GARNL3: variants seen among roughly 807,000 people sequenced by gnomAD.
GARNL3 encodes the protein GTPase-activating Rap/Ran-GAP domain-like protein 3.
GARNL3 carries 63 observed loss-of-function variants against 125.0 expected under a neutral mutation model. That is an observed-to-expected ratio of 0.50 (90% CI 0.41 to 0.62). The LOEUF is 0.62. Ranked by LOEUF, GARNL3 falls within the 20% of genes least tolerant of loss-of-function variation. The pLI is 0.00. For synonymous variants in GARNL3, 439 were observed against 457.5 expected (o/e 0.96, Z 0.52); for missense variants, 994 against 1,244.0 (o/e 0.80, Z 3.02).
At chr9:127,278,168 T>C (rs34408555) in intron 1 of GARNL3, among the ~76,000 whole-genome samples, 40 of 152,236 alleles carry the variant, frequency 2.6e-4, no homozygotes, top group Non-Finnish European at 5.1e-4. Context: ...AAATTTGAAA[T>C]ATACTGAAAA....
At position 127,333,083 on chromosome 9, in the gene GARNL3, A is replaced by G. The variant is rs1235887036; in HGVS notation, c.731A>G (p.Lys244Arg). The part of the protein sequence containing the change: ...LNLLGDTITL[K>R]GWTGYRGGLD... ...CTTCTGGGTGACACAATCACTCTAA[A>G]GGGCTGGACGGGCTACCGTGGCGGT... The change falls in exon 9 of 28, where the codon AAG (lysine) becomes AGG (arginine). Residue 244 changes from lysine to arginine, a missense_variant. This residue lies in a region of GARNL3 where 71 missense variants were observed against 66.2 expected (regional missense o/e 1.07). Coordinates refer to ENST00000373387, the MANE Select transcript of GARNL3 (RefSeq NM_032293.5). 3 of 1,614,006 alleles carry G rather than the reference A, an allele frequency of 1.9e-6. No individual in the cohort carries two copies. The African/African-American group carries it at 4.0e-5, about 22-fold the overall frequency.
At chr9:127,371,879 C>T (rs1265085113) in intron 22 of GARNL3, among the ~76,000 whole-genome samples, 5 of 152,152 alleles carry the variant, frequency 3.3e-5, no homozygotes, top group Non-Finnish European at 4.4e-5. Context: ...AGTTCAATAG[C>T]AAAATAAGAG....
intron 22 of GARNL3, among the ~76,000 whole-genome samples, chr9:127,365,700 T>C (rs1831251042): frequency 6.6e-6 from 1 of 152,142 alleles, no homozygotes. Context: ...TCACAATGAA[T>C]GCCCGCAGCA....
chr9:127,230,978 GTA>G (rs2062990249), intron 1 of GARNL3, among the ~76,000 whole-genome samples: 2 of 132,392 alleles, frequency 1.5e-5, no homozygotes, highest in African/African-American at 3.2e-5. Flanking sequence ...GTGTGTGTGT[GTA>G]TACACATATA....
rs764809956 is a variant in GARNL3 at position 127,383,527 on chromosome 9, C to G, written c.2251C>G (p.Gln751Glu). ...GTCAGATTTCCAGTTCTGTTGGAAC[C>G]AGGCTCCCTATGCAATTGGTAAGAA... ...SASDFQFCWN[Q>E]APYAIVCAFP... Residue 751 changes from glutamine (Q) to glutamate (E), a missense_variant, in exon 23 of 28, where the codon CAG (glutamine) becomes GAG (glutamate). Around this residue, in one of 5 missense-constraint regions of GARNL3, gnomAD observed 728 missense variants for 865.7 expected, o/e 0.84. Coordinates refer to ENST00000373387, the MANE Select transcript of GARNL3 (RefSeq NM_032293.5). The G allele has an allele frequency of 6.2e-7, 1 of 1,612,140 alleles. No homozygotes were observed. Among genetic ancestry groups the G allele is most frequent in the East Asian group, 2.2e-5 (1 of 44,860 alleles).
At chr9:127,335,944 G>A (rs2131586413) in intron 10 of GARNL3, among the ~76,000 whole-genome samples, 184 bp from the exon 11 acceptor site, 1 of 152,320 alleles carries the variant, frequency 6.6e-6, no homozygotes, top group East Asian at 1.9e-4. Context: ...AGGAGCAGAG[G>A]AGATGGGTTG....
At chr9:127,327,264 G>A (rs932620309) in intron 7 of GARNL3, among the ~76,000 whole-genome samples, 1 of 152,184 alleles carries the variant, frequency 6.6e-6, no homozygotes, top group Non-Finnish European at 1.5e-5. Context: ...TTACAGTCTG[G>A]TGGGGTAAGA....
chr9:127,349,063 TC>T (rs1564166240), intron 17 of GARNL3, 28 bp downstream of exon 17: 7 of 1,479,908 alleles, frequency 4.7e-6, no homozygotes, highest in Non-Finnish European at 6.6e-6. Context: ...CCTACAAATG[TC>T]TTTTTCATGT....
intron 2 of GARNL3, among the ~76,000 whole-genome samples, chr9:127,307,402 TC>T (rs1564903056): frequency 6.6e-6 from 1 of 152,180 alleles, no homozygotes; most frequent in Non-Finnish European, 1.5e-5. Context: ...GTCTGTGCCA[TC>T]CACGCATCTC....
chr9:127,339,820 A>G (rs1258350454), intron 13 of GARNL3, 69 bp downstream of exon 13: 2 of 960,548 alleles, frequency 2.1e-6, no homozygotes, highest in African/African-American at 1.6e-5. Flanking sequence ...AGATTCTCCC[A>G]GAATGCTGTT....
chr9:127,272,628 C>T (rs560492168), intron 1 of GARNL3, among the ~76,000 whole-genome samples: 1 of 152,122 alleles, frequency 6.6e-6, no homozygotes, highest in African/African-American at 2.4e-5. Flanking sequence ...TACAGGTGCA[C>T]ACCATCACGC....
At position 127,345,454 on chromosome 9, in the gene GARNL3, G is replaced by A; in HGVS notation, c.1408G>A (p.Ala470Thr). ...AGGGGATGCTCCATCAAGCTTGGCAGCTTCAGGGATCTGTAAAAAAGAGGT... is the reference window on the plus strand; with the variant it reads ...AGGGGATGCTCCATCAAGCTTGGCAACTTCAGGGATCTGTAAAAAAGAGGT... ...VRGDAPSSLA[A>T]SGICKKEPWE... is the part of the protein sequence containing the mutation. Residue 470 changes from alanine (A) to threonine (T), a missense_variant, in exon 16 of 28, where the codon GCT becomes ACT. Ala to Thr is a moderately conservative substitution (Grantham distance 58). This residue lies in a region of GARNL3 where 728 missense variants were observed against 865.7 expected (regional missense o/e 0.84). Transcript: ENST00000373387. 1 of 1,607,452 alleles carries A rather than the reference G, an allele frequency of 6.2e-7. No individual in the cohort carries two copies. The highest frequency in any genetic ancestry group is 2.2e-5 in the East Asian group (1 of 44,648).
chr9:127,255,817 C>T (rs2063486040), intron 2 of GARNL3, among the ~76,000 whole-genome samples: 1 of 152,130 alleles, frequency 6.6e-6, no homozygotes, highest in Non-Finnish European at 1.5e-5. Context: ...CTCACCAGCT[C>T]ATATCAAAAG....
chr9:127,275,550 T>C (rs1273393612), intron 1 of GARNL3, among the ~76,000 whole-genome samples: 1 of 152,214 alleles, frequency 6.6e-6, no homozygotes, highest in African/African-American at 2.4e-5. Context: ...AGGGCACATA[T>C]CCATTCCATG....
In GARNL3 at chr9:127,353,951, T is replaced by C; in HGVS notation, c.1642+7T>C. ...GTTCTCAGAGCAGACAAAGGTGGTATTCCCTGCCGGGTGGCATGCTGTGGA... is the reference window on the plus strand; with the variant it reads ...GTTCTCAGAGCAGACAAAGGTGGTACTCCCTGCCGGGTGGCATGCTGTGGA... On this transcript the variant is annotated splice_region_variant and intron_variant, in intron 18 of 27. Coordinates refer to ENST00000373387, the MANE Select transcript of GARNL3 (RefSeq NM_032293.5). The C allele has an allele frequency of 3.1e-6, 5 of 1,589,108 alleles. No individual in the cohort carries two copies. Among genetic ancestry groups the C allele is most frequent in the Non-Finnish European group, 3.5e-6 (4 of 1,157,390 alleles).
chr9:127,342,481 C>T (rs1829913642), intron 14 of GARNL3, 147 bp downstream of exon 14: 2 of 593,410 alleles, frequency 3.4e-6, no homozygotes, highest in African/African-American at 3.7e-5. Flanking sequence ...CCACCATGGG[C>T]TGACAGTCTC....
chr9:127,272,100 G>A (rs568300533), intron 1 of GARNL3, among the ~76,000 whole-genome samples: 2 of 150,342 alleles, frequency 1.3e-5, no homozygotes, highest in East Asian at 3.9e-4. Flanking sequence ...TTGAGGTTTT[G>A]ACTGTTTGAG....
chr9:127,256,794 A>G lies in GARNL3; in HGVS notation c.144-8158A>G, dbSNP rs184018537. ...CATCTTGTGTAACTATAGTAACTATAGTACTGTATTGCAAGCAGGAAATTG... is the reference window on the plus strand; with the variant it reads ...CATCTTGTGTAACTATAGTAACTATGGTACTGTATTGCAAGCAGGAAATTG... On this transcript the variant is annotated intron_variant, in intron 2 of 10. Coordinates refer to the GARNL3 transcript ENST00000439286. Among the ~76,000 whole-genome samples, 415 of 152,370 alleles carry G rather than the reference A, an allele frequency of 2.7e-3. 1 individual carries two copies. The highest frequency in any genetic ancestry group is 9.6e-3 in the African/African-American group (401 of 41,588).
chr9:127,353,691 G>A (rs1830528971), intron 17 of GARNL3, 155 bp from the exon 18 acceptor site: 3 of 683,500 alleles, frequency 4.4e-6, no homozygotes, highest in Admixed American at 2.6e-5. Flanking sequence ...AATAGTGCTT[G>A]AATGTATTTT....
Sources: gnomAD v4.1 joint callset for allele counts (sites outside exome capture counted in the v4.1 genomes callset) on GRCh38, gnomAD v4.1.1 for gene constraint, gnomAD v4.1.1 regional missense constraint, MANE v1.5 for transcripts, NCBI Gene and HGNC (gene_info 2026-07-23, HGNC 2026-07-21) for gene names.